The following PPP2R2B variants were observed in gnomAD, a reference collection of about 807,000 sequenced individuals.
PPP2R2B encodes protein phosphatase 2 regulatory subunit Bbeta.
Under a neutral mutation model 46.0 loss-of-function variants are expected in PPP2R2B, and 5 were observed. The ratio of observed to expected loss-of-function variants is 0.11; its 90% CI spans 0.06 to 0.23. The LOEUF is 0.23. Ranked by LOEUF, PPP2R2B falls within the 10% of genes least tolerant of loss-of-function variation. PPP2R2B has a pLI of 1.00. For missense variants in PPP2R2B, 367 were observed against 575.0 expected (o/e 0.64, Z 3.70); for synonymous variants, 215 against 206.7 (o/e 1.04, Z -0.34).
At chr5:146,638,114 C>A in intron 7 of PPP2R2B, 137 bp downstream of exon 7, 1 of 735,878 alleles carries the variant, frequency 1.4e-6, no homozygotes. Context: ...ATATAAAATA[C>A]GGAGCTGACT....
chr5:146,849,905 A>G (rs1760236899), intron 2 of PPP2R2B, among the ~76,000 whole-genome samples: 1 of 152,230 alleles, frequency 6.6e-6, no homozygotes, highest in Admixed American at 6.5e-5. Context: ...GGCAGATTAG[A>G]GTCTAAGTGG....
At chr5:146,835,807 AAT>A (rs1561945502) in intron 2 of PPP2R2B, among the ~76,000 whole-genome samples, 2 of 152,140 alleles carry the variant, frequency 1.3e-5, no homozygotes, top group Non-Finnish European at 2.9e-5. Flanking sequence ...CCCTCCTCCT[AAT>A]GTTGTTAACC....
intron 2 of PPP2R2B, among the ~76,000 whole-genome samples, chr5:146,827,647 A>T (rs1331409307): frequency 6.6e-6 from 1 of 152,222 alleles, no homozygotes. Context: ...ACATTCTAAC[A>T]AAATGAGAAA....
rs547954552 is a variant in PPP2R2B at position 146,917,922 on chromosome 5, C to T, written c.79+137743G>A. 21 of 152,304 alleles carry T rather than the reference C, an allele frequency of 1.4e-4. No homozygotes were observed. The East Asian group carries it at 2.5e-3, about 18-fold the overall frequency. The allele number at this position is 152,304 out of a possible 1,614,324, so 9.4% of individuals were successfully genotyped here. A position where few individuals can be genotyped will look rare whatever the true frequency, so the allele number is the denominator to read the frequency against. ...ATCTGACATCTCCTCCTGATTAAAA[C>T]AGAGTCATCTCAAATACAGATGGAT... is the stretch of plus-strand genomic sequence containing the variant. On this transcript the variant is annotated intron_variant, in intron 1 of 8. Coordinates refer to the PPP2R2B transcript ENST00000336640.
chr5:147,040,678 A>C lies in PPP2R2B; in HGVS notation c.79+14987T>G, dbSNP rs932651826. On this transcript the variant is annotated intron_variant, in intron 1 of 8. Coordinates refer to the PPP2R2B transcript ENST00000336640. ...GTAACATATACCCTGGCCCTGAATG[A>C]CCTTGTTAGGTACTCCGTGTGAGGA... 26 of 426,798 alleles carry C rather than the reference A, an allele frequency of 6.1e-5. No homozygotes were observed. The Admixed American group carries it at 6.8e-4, about 11-fold the overall frequency. The allele number at this position is 426,798 out of a possible 1,614,324, so 26.4% of individuals were successfully genotyped here.
intron 2 of PPP2R2B, among the ~76,000 whole-genome samples, chr5:147,066,376 C>T (rs1421057296): frequency 1.3e-5 from 2 of 152,046 alleles, no homozygotes; most frequent in African/African-American, 2.4e-5. Context: ...CTCACAAGAG[C>T]CCTGGATGTA....
At chr5:146,710,962 T>A (rs1780181569) in intron 2 of PPP2R2B, among the ~76,000 whole-genome samples, 1 of 152,192 alleles carries the variant, frequency 6.6e-6, no homozygotes, top group Non-Finnish European at 1.5e-5. Flanking sequence ...TTCCCCATAT[T>A]TTGGGACTGG....
intron 1 of PPP2R2B, among the ~76,000 whole-genome samples, chr5:146,912,518 T>C (rs1363430501): frequency 6.6e-6 from 1 of 151,380 alleles, no homozygotes; most frequent in Non-Finnish European, 1.5e-5. Context: ...TTTTCTTTTT[T>C]TTTTTTTGTT....
At chr5:146,673,753 A>T (rs1320007180) in intron 5 of PPP2R2B, among the ~76,000 whole-genome samples, 1 of 152,214 alleles carries the variant, frequency 6.6e-6, no homozygotes, top group Non-Finnish European at 1.5e-5. Context: ...CTGAGCATGT[A>T]ACCTTTCTTA....
At chr5:146,937,764 G>GGAAT (rs1420922281) in intron 1 of PPP2R2B, among the ~76,000 whole-genome samples, 1 of 151,990 alleles carries the variant, frequency 6.6e-6, no homozygotes, top group Non-Finnish European at 1.5e-5. Context: ...AACAATAGAG[G>GGAAT]GAATGTGTGG....
At chr5:146,726,440 C>G (rs1751873974) in intron 2 of PPP2R2B, among the ~76,000 whole-genome samples, 1 of 152,024 alleles carries the variant, frequency 6.6e-6, no homozygotes, top group African/African-American at 2.4e-5. Flanking sequence ...CAAGTATAAA[C>G]ACACACACAT....
Position 146,583,412 on chromosome 5 carries a change from C to G in PPP2R2B, c.*6535G>C, listed in dbSNP as rs191933411. 1.3e-5 allele frequency: 2 copies of G among 152,156 alleles called. No homozygotes were observed. The highest frequency in any genetic ancestry group is 4.8e-5 in the African/African-American group (2 of 41,430). The allele number at this position is 152,156 out of a possible 1,614,324, so 9.4% of individuals were successfully genotyped here. ...CACAGCAATTTTATGAGATAGATGT[C>G]GTTTTTATCCTTATCTCATAATGAG... On this transcript the variant is annotated 3_prime_UTR_variant, in exon 10 of 10. Transcript: ENST00000394411.
At chr5:147,037,803 G>A (rs186873432) in intron 1 of PPP2R2B, among the ~76,000 whole-genome samples, 64 of 152,180 alleles carry the variant, frequency 4.2e-4, no homozygotes, top group Middle Eastern at 3.4e-3. Flanking sequence ...AGATTCATAA[G>A]AACAGATAAT....
At chr5:147,036,789 A>G (rs1389969415) in intron 1 of PPP2R2B, among the ~76,000 whole-genome samples, 1 of 152,202 alleles carries the variant, frequency 6.6e-6, no homozygotes, top group African/African-American at 2.4e-5. Flanking sequence ...CCTGCCCTTA[A>G]AATCCATTGA....
At chr5:146,737,329 T>G (rs1752593721) in intron 2 of PPP2R2B, among the ~76,000 whole-genome samples, 1 of 152,216 alleles carries the variant, frequency 6.6e-6, no homozygotes, top group African/African-American at 2.4e-5. Flanking sequence ...TGATACATAT[T>G]ATGCTTCATC....
intron 1 of PPP2R2B, among the ~76,000 whole-genome samples, chr5:146,980,520 A>G (rs1446235276): frequency 6.6e-6 from 1 of 152,182 alleles, no homozygotes; most frequent in African/African-American, 2.4e-5. Context: ...AACAAGGAAA[A>G]GGAAGGAGAG....
chr5:146,663,488 A>AC (rs5871985), intron 5 of PPP2R2B, among the ~76,000 whole-genome samples: 115,283 of 151,982 alleles, frequency 0.76, 45,142 homozygotes, highest in Non-Finnish European at 0.86. Flanking sequence ...ATAACAATAT[A>AC]CAGGCATGTC....
intron 2 of PPP2R2B, among the ~76,000 whole-genome samples, chr5:146,738,395 CAAAAAAA>C (rs58520511): frequency 1.2e-5 from 1 of 85,840 alleles, no homozygotes; most frequent in Non-Finnish European, 2.6e-5. Flanking sequence ...GACTCAGTCT[CAAAAAAA>C]AAAAAAAAAA....
Position 146,587,895 on chromosome 5 carries a change from T to C in PPP2R2B, c.*2052A>G, listed in dbSNP as rs921864465. The C allele has an allele frequency of 2.0e-5, 3 of 152,218 alleles. No individual in the cohort carries two copies. Among genetic ancestry groups the C allele is most frequent in the Non-Finnish European group, 4.4e-5 (3 of 68,034 alleles). The allele number at this position is 152,218 out of a possible 1,614,324, so 9.4% of individuals were successfully genotyped here. Reference sequence around the variant, plus strand: ...TGTGAGTTGATTCTTAAGTTTGAGATACAATGATTGGTCCCAACCCCCGAC... The same window carrying C: ...TGTGAGTTGATTCTTAAGTTTGAGACACAATGATTGGTCCCAACCCCCGAC... On this transcript the variant is annotated 3_prime_UTR_variant, in exon 10 of 10. Coordinates refer to ENST00000394411, the MANE Select transcript of PPP2R2B (RefSeq NM_181675.4).
Sources: gnomAD v4.1 joint callset for allele counts (sites outside exome capture counted in the v4.1 genomes callset) on GRCh38, gnomAD v4.1.1 for gene constraint, MANE v1.5 for transcripts, NCBI Gene and HGNC (gene_info 2026-07-23, HGNC 2026-07-21) for gene names.